The following CELSR1 variants were observed in gnomAD, a reference collection of about 807,000 sequenced individuals.
CELSR1 encodes adhesion G protein-coupled receptor C1.
A neutral mutation model predicts 249.1 loss-of-function variants in CELSR1; 110 were observed. The ratio of observed to expected loss-of-function variants is 0.44; its 90% CI spans 0.38 to 0.52. The LOEUF (loss-of-function observed/expected upper bound fraction) is 0.52. Ranked by LOEUF, CELSR1 falls within the 20% of genes least tolerant of loss-of-function variation. The pLI is 0.00. For missense variants in CELSR1, 4,109 were observed against 4,296.4 expected, an observed-to-expected ratio of 0.96 and a Z score of 1.22; for synonymous variants, 2,113 against 1,900.0, an observed-to-expected ratio of 1.11 and a Z score of -2.92.
chr22:46,371,630 C>G lies in CELSR1; in HGVS notation c.7759+1253G>C, dbSNP rs753695428. On this transcript the variant is annotated intron_variant, in intron 25 of 34. Coordinates refer to ENST00000674500, the MANE Select transcript of CELSR1 (RefSeq NM_001378328.1). Reference sequence around the variant, plus strand: ...ATTAGCTACCAATCCATCCACCCACCCATTTCATCCATCCATCCACCCACT... The same window carrying G: ...ATTAGCTACCAATCCATCCACCCACGCATTTCATCCATCCATCCACCCACT... Among the ~76,000 whole-genome samples, 4 of 151,650 alleles carry G rather than the reference C, an allele frequency of 2.6e-5. No individual in the cohort carries two copies. The Middle Eastern group carries it at 0.01, about 390-fold the overall frequency.
In CELSR1 at chr22:46,381,869, G is replaced by A. The variant is rs142822373; in HGVS notation, c.7065C>T (p.Tyr2355=). 3.1e-4 allele frequency: 478 copies of A among 1,566,384 alleles called. No individual in the cohort carries two copies. The highest frequency in any genetic ancestry group is 3.7e-4 in the Non-Finnish European group (434 of 1,158,942). Residue 2355 remains tyrosine (Y), a synonymous_variant, in exon 21 of 35, where the codon TAC becomes TAT. Transcript: ENST00000674500. This position sits in a 1 kb window ranked among gnomAD's most constrained non-coding sequence, Gnocchi z 6.0. ...RTLGQLLPER[Y]DPDRRSLRLP... The stretch of plus-strand genomic sequence containing the variant: ...ACCGGAGGCTGCGACGGTCGGGGTC[G>A]TAGCGCTCGGGCAGGAGCTGCCCCA...
At chr22:46,444,449 C>T (rs2079793692) in intron 2 of CELSR1, among the ~76,000 whole-genome samples, 1 of 152,212 alleles carries the variant, frequency 6.6e-6, no homozygotes, top group African/African-American at 2.4e-5. Context: ...CAGAGATCAA[C>T]AGGTGGCTGC....
rs2080514202 is a variant in CELSR1 at position 46,506,272 on chromosome 22, G to A, written c.3544+27355C>T. Among the ~76,000 whole-genome samples the A allele has an allele frequency of 6.6e-6, 1 of 152,100 alleles. No homozygotes were observed. The highest frequency in any genetic ancestry group is 1.5e-5 in the Non-Finnish European group (1 of 68,018). ...TTCTGGATGGACATGCAGAGCACCC[G>A]CCATGATCCCTCCAAGCCTGGCACC... On this transcript the variant is annotated intron_variant, in intron 1 of 34. Transcript: ENST00000674500. The surrounding 1 kb of genome is among the most constrained non-coding windows in gnomAD (Gnocchi z 4.1).
At position 46,536,526 on chromosome 22, in the gene CELSR1, C is replaced by T. The variant is rs557027406; in HGVS notation, c.645G>A (p.Ser215=). 3.4e-6 allele frequency: 5 copies of T among 1,459,830 alleles called. No homozygotes were observed. Among genetic ancestry groups the T allele is most frequent in the Admixed American group, 2.8e-5 (1 of 35,232 alleles). 90.4% of individuals were successfully genotyped at this position (1,459,830 alleles called of 1,614,324 possible). The change falls in exon 1 of 35, where the codon TCG becomes TCA. Residue 215 remains serine (S), a synonymous_variant. Coordinates refer to ENST00000674500, the MANE Select transcript of CELSR1 (RefSeq NM_001378328.1). ...CGGGCAAGTTCGGCGGCAGGGGCGG[C>T]GATGGGGATGGCGACGCGGAGGGCG... is the stretch of plus-strand genomic sequence containing the variant. ...AGTPSASPSP[S]PPLPPNLPEA... is the part of the protein sequence containing the mutation.
At chr22:46,370,358 T>C in intron 25 of CELSR1, 1 of 330,056 alleles carries the variant, frequency 3.0e-6, no homozygotes, top group Admixed American at 4.1e-5. Flanking sequence ...ACATACCGTG[T>C]GCAGACACGC....
intron 33 of CELSR1, 84 bp from the exon 34 acceptor site, chr22:46,364,335 C>A: frequency 1.9e-6 from 3 of 1,557,942 alleles, no homozygotes. Flanking sequence ...GAGCCAGCCT[C>A]AGCCCCTGTC....
rs2079280839 is a variant in CELSR1 at position 46,407,624 on chromosome 22, C to G, written c.5226+1372G>C. ...TCCAGCCTGGGCAACAAGAGCAAAA[C>G]TTTATCTCAAAAAAACAAAACAAAA... On this transcript the variant is annotated intron_variant, in intron 9 of 34. Coordinates refer to ENST00000674500, the MANE Select transcript of CELSR1 (RefSeq NM_001378328.1). This position sits in a 1 kb window ranked among gnomAD's most constrained non-coding sequence, Gnocchi z 4.8. 7.2e-5 allele frequency among the ~76,000 whole-genome samples: 11 copies of G among 151,872 alleles called. 1 individual carries two copies. Among genetic ancestry groups the G allele is most frequent in the Admixed American group, 7.2e-4 (11 of 15,238 alleles).
chr22:46,523,089 G>A (rs575469742), intron 1 of CELSR1, among the ~76,000 whole-genome samples: 4 of 152,310 alleles, frequency 2.6e-5, no homozygotes, highest in African/African-American at 9.6e-5. Flanking sequence ...TCTTATCTCC[G>A]AATGCTAACA....
chr22:46,400,707 T>A (rs1169751708), intron 9 of CELSR1, among the ~76,000 whole-genome samples: 2 of 151,826 alleles, frequency 1.3e-5, no homozygotes, highest in African/African-American at 4.8e-5. Flanking sequence ...ATTTCAGCAC[T>A]TTGGGAAGCC....
At chr22:46,524,549 T>C (rs1028821834) in intron 1 of CELSR1, among the ~76,000 whole-genome samples, 24 of 121,472 alleles carry the variant, frequency 2.0e-4, no homozygotes, top group African/African-American at 6.2e-4. Flanking sequence ...TGCGTGTGTG[T>C]GTGTGTGTGT....
rs974544296 is a variant in CELSR1, at chr22:46,409,662, T to C, written c.5059+93A>G. On this transcript the variant is annotated intron_variant, in intron 8 of 34. Coordinates refer to ENST00000674500, the MANE Select transcript of CELSR1 (RefSeq NM_001378328.1). The surrounding 1 kb of genome is among the most constrained non-coding windows in gnomAD (Gnocchi z 9.8). The stretch of plus-strand genomic sequence containing the variant: ...ACCACCAGAGGCTGCCGGACCTGGA[T>C]GTGAAGCCCCCTCACGGTGGTCCCG... The C allele has an allele frequency of 6.7e-7, 1 of 1,490,400 alleles. No homozygotes were observed. The highest frequency in any genetic ancestry group is 9.2e-7 in the Non-Finnish European group (1 of 1,085,768). 92.3% of individuals were successfully genotyped at this position (1,490,400 alleles called of 1,614,324 possible).
intron 25 of CELSR1, among the ~76,000 whole-genome samples, chr22:46,370,757 C>G (rs989841603): frequency 6.6e-6 from 1 of 152,244 alleles, no homozygotes; most frequent in African/African-American, 2.4e-5. Context: ...ACCAGGACCA[C>G]TGAGGACAGT....
At position 46,534,680 on chromosome 22, in the gene CELSR1, G is replaced by C; in HGVS notation, c.2491C>G (p.Pro831Ala). 6.2e-7 allele frequency: 1 copy of C among 1,613,676 alleles called. No homozygotes were observed. The highest frequency in any genetic ancestry group is 8.5e-7 in the Non-Finnish European group (1 of 1,180,028). Reference protein sequence around the residue: ...NARITYVIQDPVPQFRIDPDS... With the variant: ...NARITYVIQDAVPQFRIDPDS... ...GGGTCAATGCGGAACTGCGGCACGGGGTCCTGAATCACGTAGGTGATGCGG... is the reference window on the plus strand; with the variant it reads ...GGGTCAATGCGGAACTGCGGCACGGCGTCCTGAATCACGTAGGTGATGCGG... Residue 831 changes from proline (P) to alanine (A), a missense_variant, in exon 1 of 35, where the codon CCC (proline) becomes GCC (alanine). Physicochemically the swap from Pro to Ala is conservative, Grantham distance 27 (BLOSUM62 -1). Around this residue, in one of 7 missense-constraint regions of CELSR1, gnomAD observed 886 missense variants for 896.5 expected, o/e 0.99. Transcript: ENST00000674500. This position sits in a 1 kb window ranked among gnomAD's most constrained non-coding sequence, Gnocchi z 9.7.
At chr22:46,532,095 G>A (rs1364652246) in intron 1 of CELSR1, among the ~76,000 whole-genome samples, 1 of 152,174 alleles carries the variant, frequency 6.6e-6, no homozygotes, top group Non-Finnish European at 1.5e-5. Flanking sequence ...TAACAGCGGG[G>A]GGGCCCACAT....
In CELSR1 at chr22:46,385,614, C is replaced by T. The variant is rs1428137650; in HGVS notation, c.6739+788G>A. ...CCTGGGAGCCACGGGTACGTCATCA[C>T]AGACTGTCTTCCCAAAGGCTCCATT... is the stretch of plus-strand genomic sequence containing the variant. On this transcript the variant is annotated intron_variant, in intron 19 of 34. Coordinates refer to ENST00000674500, the MANE Select transcript of CELSR1 (RefSeq NM_001378328.1). Among the ~76,000 whole-genome samples the T allele has an allele frequency of 4.6e-5, 7 of 152,030 alleles. No homozygotes were observed. The East Asian group carries it at 1.3e-3, about 29-fold the overall frequency.
Position 46,411,866 on chromosome 22 carries a change from G to A in CELSR1, c.4612-107C>T. On this transcript the variant is annotated intron_variant, in intron 5 of 34. Transcript: ENST00000674500. This position sits in a 1 kb window ranked among gnomAD's most constrained non-coding sequence, Gnocchi z 4.2. ...AGGAGGACATGGCACAGGGTGGGCG[G>A]CACGTAGACAAGGGATGAGGAGCCC... 1 of 1,433,716 alleles carries A rather than the reference G, an allele frequency of 7.0e-7. No homozygotes were observed. Among genetic ancestry groups the A allele is most frequent in the Non-Finnish European group, 9.6e-7 (1 of 1,041,078 alleles). 88.8% of individuals were successfully genotyped at this position (1,433,716 alleles called of 1,614,324 possible).
Position 46,534,058 on chromosome 22 carries a change from A to G in CELSR1, c.3113T>C (p.Ile1038Thr). 6.2e-7 allele frequency: 1 copy of G among 1,613,702 alleles called. No homozygotes were observed. Among genetic ancestry groups the G allele is most frequent in the Non-Finnish European group, 8.5e-7 (1 of 1,180,012 alleles). The change falls in exon 1 of 35, where the codon ATT (isoleucine) becomes ACT (threonine). Residue 1038 changes from isoleucine to threonine, a missense_variant. This residue lies in a region of CELSR1 where 886 missense variants were observed against 896.5 expected (regional missense o/e 0.99). Transcript: ENST00000674500. This position sits in a 1 kb window ranked among gnomAD's most constrained non-coding sequence, Gnocchi z 9.7. ...GAAATGCCGCATGTCCCCTTCCACA[A>G]TCTGATACATGATCTGGGCATTAGG... The part of the protein sequence containing the change: ...EGPNAQIMYQ[I>T]VEGDMRHFFQ...
Position 46,399,625 on chromosome 22 carries a change from C to CTGGTGG in CELSR1, c.5412+86_5412+91dup. On this transcript the variant is annotated intron_variant, in intron 10 of 34. Coordinates refer to ENST00000674500, the MANE Select transcript of CELSR1 (RefSeq NM_001378328.1). This position sits in a 1 kb window ranked among gnomAD's most constrained non-coding sequence, Gnocchi z 5.0. ...GTGCCTCCCCAAATCCACAAGGTCTCTGGTGGGTCCTGGCACGTCAAGGGG... is the reference window on the plus strand; with the variant it reads ...GTGCCTCCCCAAATCCACAAGGTCTCTGGTGGTGGTGGGTCCTGGCACGTCAAGGGG... The CTGGTGG allele has an allele frequency of 7.5e-7, 1 of 1,330,786 alleles. No homozygotes were observed. Among genetic ancestry groups the CTGGTGG allele is most frequent in the Non-Finnish European group, 1.1e-6 (1 of 942,538 alleles). 82.4% of individuals were successfully genotyped at this position (1,330,786 alleles called of 1,614,324 possible). A position where few individuals can be genotyped will look rare whatever the true frequency, so the allele number is the denominator to read the frequency against.
At chr22:46,376,377 A>G (rs1361654628) in intron 24 of CELSR1, among the ~76,000 whole-genome samples, 4 of 152,076 alleles carry the variant, frequency 2.6e-5, no homozygotes, top group African/African-American at 9.7e-5. Flanking sequence ...TACATCTTAA[A>G]TCATTTTGTT....
Sources: allele counts gnomAD v4.1 joint callset (sites outside exome capture counted in the v4.1 genomes callset), GRCh38; gene constraint gnomAD v4.1.1; regional missense constraint gnomAD v4.1.1; non-coding constraint Gnocchi (gnomAD v3.1); transcripts MANE v1.5; gene names NCBI Gene and HGNC (gene_info 2026-07-23, HGNC 2026-07-21).